The following PALLD variants were observed in gnomAD, a reference collection of about 807,000 sequenced individuals.
The protein encoded by PALLD is palladin, cytoskeletal associated protein.
In PALLD, 61 loss-of-function variants were observed where a neutral mutation model predicts 123.5. The ratio of observed to expected loss-of-function variants is 0.49; its 90% CI spans 0.40 to 0.61. The LOEUF (loss-of-function observed/expected upper bound fraction) is 0.61, where lower values mean the gene tolerates loss of function less well. PALLD is among the 20% of genes least tolerant of loss of function. The pLI is 0.00. For missense variants in PALLD, 1,273 were observed against 1,377.0 expected (o/e 0.92, Z 1.20); for synonymous variants, 465 against 496.4 (o/e 0.94, Z 0.84).
At position 168,511,720 on chromosome 4, in the gene PALLD, T is replaced by C; in HGVS notation, c.216T>C (p.Pro72=). Residue 72 remains proline, a synonymous_variant, in exon 2 of 22, where the codon CCT becomes CCC. Transcript: ENST00000505667. ...TCTCGCAGATTTTCAGTACTTCTCC[T>C]GCAAGCCTCTGTGAACATCCTTCCC... ...KEISQIFSTS[P]ASLCEHPSHK... 1.2e-6 allele frequency: 2 copies of C among 1,614,194 alleles called. No individual in the cohort carries two copies. The highest frequency in any genetic ancestry group is 1.7e-6 in the Non-Finnish European group (2 of 1,180,018).
chr4:168,700,543 A>G (rs1414077395), intron 8 of PALLD: 1 of 152,246 alleles, frequency 6.6e-6, no homozygotes, highest in Non-Finnish European at 1.5e-5. Context: ...CTTTTTACAA[A>G]GCAAGTGTTT....
intron 8 of PALLD, among the ~76,000 whole-genome samples, chr4:168,701,944 A>AG (rs1783711665): frequency 6.6e-6 from 1 of 152,244 alleles, no homozygotes; most frequent in Non-Finnish European, 1.5e-5. Context: ...CCTCGTAAGA[A>AG]GGGGCTGTTA....
intron 10 of PALLD, among the ~76,000 whole-genome samples, chr4:168,777,322 T>C (rs1255438938): frequency 1.3e-5 from 2 of 152,184 alleles, no homozygotes; most frequent in Non-Finnish European, 2.9e-5. Context: ...AGAATGCTGT[T>C]AATACTGCTT....
chr4:168,575,152 C>T (rs528060248), intron 2 of PALLD, among the ~76,000 whole-genome samples: 1 of 152,218 alleles, frequency 6.6e-6, no homozygotes, highest in East Asian at 1.9e-4. Flanking sequence ...TAGTATGCAT[C>T]AGAATCACCT....
intron 10 of PALLD, among the ~76,000 whole-genome samples, chr4:168,846,093 C>T (rs1053384758): frequency 6.6e-6 from 1 of 152,212 alleles, no homozygotes; most frequent in Non-Finnish European, 1.5e-5. Context: ...AAGTCCTCTT[C>T]TCTAATATGC....
At chr4:168,725,583 G>A (rs1786487065) in intron 10 of PALLD, among the ~76,000 whole-genome samples, 2 of 131,374 alleles carry the variant, frequency 1.5e-5, no homozygotes, top group Non-Finnish European at 3.1e-5. Flanking sequence ...CTGGAGTGCA[G>A]TGGTGCGATC....
intron 10 of PALLD, among the ~76,000 whole-genome samples, chr4:168,755,228 G>A (rs567289202): frequency 2.7e-4 from 32 of 120,292 alleles, no homozygotes; most frequent in South Asian, 1.4e-3. Context: ...GCAAGACTCC[G>A]TCTCAAAAAA....
intron 2 of PALLD, among the ~76,000 whole-genome samples, chr4:168,520,471 T>C (rs985388170): frequency 4.6e-5 from 7 of 152,128 alleles, no homozygotes; most frequent in African/African-American, 7.2e-5. Flanking sequence ...AGAGGTTTTA[T>C]CCTCTTTCTA....
chr4:168,786,289 C>T (rs975164132), intron 10 of PALLD, among the ~76,000 whole-genome samples: 8 of 152,084 alleles, frequency 5.3e-5, no homozygotes, highest in Admixed American at 1.3e-4. Flanking sequence ...GATCGCACCA[C>T]TGCACTCCAG....
intron 10 of PALLD, among the ~76,000 whole-genome samples, chr4:168,780,117 T>C (rs1735706414): frequency 6.6e-6 from 1 of 152,176 alleles, no homozygotes; most frequent in Non-Finnish European, 1.5e-5. Flanking sequence ...CAGGCTGGTC[T>C]CGAACTCCTG....
intron 2 of PALLD, among the ~76,000 whole-genome samples, chr4:168,575,749 T>C (rs557408503): frequency 2.6e-5 from 4 of 152,258 alleles, no homozygotes; most frequent in Admixed American, 6.5e-5. Context: ...TCTACTTTAG[T>C]ACATCTGAGC....
rs139722425 is a variant in PALLD at position 168,649,485 on chromosome 4, C to T, written c.909-18705C>T. ...CATGGAAGTGCTCTCAAATAGGAAA[C>T]GTGGAAGACATTAGTTGCCTGCATC... On this transcript the variant is annotated intron_variant, in intron 2 of 21. Transcript: ENST00000505667. 7.9e-5 allele frequency among the ~76,000 whole-genome samples: 12 copies of T among 152,208 alleles called. No homozygotes were observed. In the East Asian group the frequency reaches 2.1e-3, roughly 27 times the overall value.
intron 8 of PALLD, among the ~76,000 whole-genome samples, chr4:168,701,426 G>A (rs12640309): frequency 0.18 from 26,858 of 152,114 alleles, 2,981 homozygotes; most frequent in East Asian, 0.33. Flanking sequence ...ATAAAATTTC[G>A]TTCTTATTAA....
At chr4:168,615,529 A>C (rs150880513) in intron 2 of PALLD, among the ~76,000 whole-genome samples, 1 of 152,188 alleles carries the variant, frequency 6.6e-6, no homozygotes, top group Non-Finnish European at 1.5e-5. Flanking sequence ...ACGGGGCACA[A>C]AGAGACAGGA....
intron 10 of PALLD, among the ~76,000 whole-genome samples, chr4:168,712,886 G>C (rs1561435338): frequency 1.3e-5 from 2 of 152,104 alleles, no homozygotes; most frequent in Admixed American, 1.3e-4. Flanking sequence ...TTTTCTCTCT[G>C]TGATCAGTTC....
chr4:168,814,810 A>G (rs1372574933), intron 10 of PALLD, among the ~76,000 whole-genome samples: 1 of 152,172 alleles, frequency 6.6e-6, no homozygotes, highest in Non-Finnish European at 1.5e-5. Flanking sequence ...TCGCTCTGTC[A>G]CCCAGGCTGT....
At chr4:168,509,961 A>T (rs1264511161) in intron 1 of PALLD, among the ~76,000 whole-genome samples, 1 of 152,158 alleles carries the variant, frequency 6.6e-6, no homozygotes, top group East Asian at 1.9e-4. Flanking sequence ...ATTTTCTTAG[A>T]TGGGAAGATA....
chr4:168,854,191 CAT>C (rs2150994007), intron 10 of PALLD, among the ~76,000 whole-genome samples: 1 of 133,644 alleles, frequency 7.5e-6, no homozygotes, highest in South Asian at 2.5e-4. Context: ...TTCATTCATT[CAT>C]GGATGGTATG....
chr4:168,694,323 CATAA>C (rs1282205505), intron 8 of PALLD, among the ~76,000 whole-genome samples: 3 of 152,166 alleles, frequency 2.0e-5, no homozygotes, highest in Non-Finnish European at 4.4e-5. Flanking sequence ...AATGCTAAAA[CATAA>C]ATAGCCTTTG....
Sources: allele counts gnomAD v4.1 joint callset (sites outside exome capture counted in the v4.1 genomes callset), GRCh38; gene constraint gnomAD v4.1.1; transcripts MANE v1.5; gene names NCBI Gene and HGNC (gene_info 2026-07-23, HGNC 2026-07-21).